KLHL12: variants seen among roughly 807,000 people sequenced by gnomAD.
KLHL12 encodes the protein kelch like family member 12, also known as kelch-like protein 12.
KLHL12 carries 17 observed loss-of-function variants against 60.8 expected under a neutral mutation model. That is an observed-to-expected ratio of 0.28 (90% CI 0.19 to 0.42). The LOEUF is 0.42. Among genes scored for constraint, KLHL12 ranks in the 10% least tolerant of loss-of-function variants. KLHL12 has a pLI of 1.00. For missense variants in KLHL12, 468 were observed against 722.3 expected (o/e 0.65, Z 4.04); for synonymous variants, 220 against 250.9 (o/e 0.88, Z 1.16).
At chr1:202,911,431 T>TAC (rs1006058629) in intron 4 of KLHL12, among the ~76,000 whole-genome samples, 75 of 141,496 alleles carry the variant, frequency 5.3e-4, no homozygotes, top group Admixed American at 1.7e-3. Context: ...TATATATATA[T>TAC]ACACACACAC....
At chr1:202,912,763 C>G in intron 4 of KLHL12, 1 of 1,304,300 alleles carries the variant, frequency 7.7e-7, no homozygotes, top group South Asian at 1.2e-5. Flanking sequence ...GAGAGGAGAG[C>G]CGGAGAAGTG....
intron 7 of KLHL12, among the ~76,000 whole-genome samples, chr1:202,896,423 T>TCAA (rs1164060656): frequency 2.6e-5 from 4 of 152,210 alleles, no homozygotes; most frequent in African/African-American, 9.6e-5. Context: ...ACTCCTGGCC[T>TCAA]CAAGAGATCC....
chr1:202,896,371 T>G (rs1280682973), intron 7 of KLHL12, among the ~76,000 whole-genome samples: 3 of 152,098 alleles, frequency 2.0e-5, no homozygotes, highest in African/African-American at 7.2e-5. Flanking sequence ...TTTACTTTTT[T>G]GTAGAGACAG....
At position 202,919,856 on chromosome 1, in the gene KLHL12, G is replaced by A. The variant is rs1190856812; in HGVS notation, c.248C>T (p.Thr83Ile). 2 of 1,613,838 alleles carry A rather than the reference G, an allele frequency of 1.2e-6. No homozygotes were observed. Among genetic ancestry groups the A allele is most frequent in the Non-Finnish European group, 1.7e-6 (2 of 1,179,836 alleles). The change falls in exon 3 of 12, where the codon ACC becomes ATC. Residue 83 changes from threonine (T) to isoleucine (I), a missense_variant. Around this residue, in one of 4 missense-constraint regions of KLHL12, gnomAD observed 339 missense variants for 525.0 expected, o/e 0.65. Coordinates refer to ENST00000367261, the MANE Select transcript of KLHL12 (RefSeq NM_021633.4). Reference sequence around the variant, plus strand: ...CACAAAGTCCAATAAAATTTCCATGGTAGAGGCAGTCAAACCTTGGATGTC... The same window carrying A: ...CACAAAGTCCAATAAAATTTCCATGATAGAGGCAGTCAAACCTTGGATGTC... ...YVDIQGLTAS[T>I]MEILLDFVYT...
At chr1:202,921,235 C>A (rs571845482) in intron 2 of KLHL12, among the ~76,000 whole-genome samples, 36 of 150,230 alleles carry the variant, frequency 2.4e-4, no homozygotes, top group African/African-American at 8.8e-4. Flanking sequence ...AGTGCAGTGG[C>A]GTAATCTTGG....
chr1:202,919,461 T>C (rs1028914776), intron 3 of KLHL12, among the ~76,000 whole-genome samples: 1 of 152,202 alleles, frequency 6.6e-6, no homozygotes, highest in African/African-American at 2.4e-5. Context: ...TATAGGTGTG[T>C]TACATACATG....
At position 202,911,046 on chromosome 1, in the gene KLHL12, C is replaced by T. The variant is rs796372930; in HGVS notation, c.717+8G>A. 8.7e-6 allele frequency: 14 copies of T among 1,613,852 alleles called. 1 individual carries two copies. In the African/African-American group the frequency reaches 1.3e-4, roughly 15 times the overall value. On this transcript the variant is annotated splice_region_variant and intron_variant, in intron 5 of 11. Coordinates refer to ENST00000367261, the MANE Select transcript of KLHL12 (RefSeq NM_021633.4). ...GGTTTTGGATCCTGAGAGTGTTGCACTACTTACCTCAGCATCTATTACATC... is the reference window on the plus strand; with the variant it reads ...GGTTTTGGATCCTGAGAGTGTTGCATTACTTACCTCAGCATCTATTACATC...
At chr1:202,906,315 C>G (rs928855794) in intron 6 of KLHL12, among the ~76,000 whole-genome samples, 1 of 149,426 alleles carries the variant, frequency 6.7e-6, no homozygotes. Context: ...ATTAGCCAGG[C>G]GTGGTGGCAC....
chr1:202,911,566 T>C (rs1359313730), intron 4 of KLHL12, among the ~76,000 whole-genome samples: 1 of 152,146 alleles, frequency 6.6e-6, no homozygotes, highest in Non-Finnish European at 1.5e-5. Flanking sequence ...TCTGGTCTTC[T>C]CTATAACTTT....
Position 202,893,201 on chromosome 1 carries a change from G to C in KLHL12, c.1580+38C>G. 1 of 1,516,522 alleles carries C rather than the reference G, an allele frequency of 6.6e-7. No homozygotes were observed. Among genetic ancestry groups the C allele is most frequent in the Non-Finnish European group, 8.9e-7 (1 of 1,117,998 alleles). The allele number at this position is 1,516,522 out of a possible 1,614,324, so 93.9% of individuals were successfully genotyped here. A position where few individuals can be genotyped will look rare whatever the true frequency, so the allele number is the denominator to read the frequency against. ...TCAGATCACATAGACTCTTGCTCTG[G>C]CTACATATTGAGTCTGGATTCGTTT... On this transcript the variant is annotated intron_variant, in intron 11 of 11. Coordinates refer to ENST00000367261, the MANE Select transcript of KLHL12 (RefSeq NM_021633.4). The surrounding 1 kb of genome is among the most constrained non-coding windows in gnomAD (Gnocchi z 4.1).
intron 4 of KLHL12, among the ~76,000 whole-genome samples, chr1:202,915,759 T>A (rs1660505208): frequency 6.6e-6 from 1 of 152,196 alleles, no homozygotes; most frequent in Non-Finnish European, 1.5e-5. Flanking sequence ...TAAACTCCAA[T>A]CTTCACTTTC....
In KLHL12 at chr1:202,922,638, C is replaced by T. The variant is rs371734371; in HGVS notation, c.195+2330G>A. 5.9e-5 allele frequency among the ~76,000 whole-genome samples: 9 copies of T among 151,824 alleles called. No homozygotes were observed. The East Asian group carries it at 1.6e-3, about 26-fold the overall frequency. On this transcript the variant is annotated intron_variant, in intron 2 of 11. Transcript: ENST00000367261. ...AGTGGCTGGGACTACAGGCGCCCGC[C>T]ACCACGCACGGCTAATTTTTTGTAT... is the stretch of plus-strand genomic sequence containing the variant.
chr1:202,922,936 T>C (rs909592367), intron 2 of KLHL12, among the ~76,000 whole-genome samples: 1 of 151,848 alleles, frequency 6.6e-6, no homozygotes, highest in African/African-American at 2.4e-5. Flanking sequence ...AGATGACATT[T>C]GAGGAGCATT....
In KLHL12 at chr1:202,893,532, G is replaced by A; in HGVS notation, c.1394-107C>T. ...ACTAGCTGAGTTCTACAGTAGATGAGGGATATGGAATGGGCCCACACGGGC... is the reference window on the plus strand; with the variant it reads ...ACTAGCTGAGTTCTACAGTAGATGAAGGATATGGAATGGGCCCACACGGGC... On this transcript the variant is annotated intron_variant, in intron 10 of 11. Coordinates refer to ENST00000367261, the MANE Select transcript of KLHL12 (RefSeq NM_021633.4). This position sits in a 1 kb window ranked among gnomAD's most constrained non-coding sequence, Gnocchi z 4.1. The A allele has an allele frequency of 2.2e-6, 2 of 929,600 alleles. No individual in the cohort carries two copies. The highest frequency in any genetic ancestry group is 5.2e-5 in the East Asian group (2 of 38,252). The allele number at this position is 929,600 out of a possible 1,614,324, so 57.6% of individuals were successfully genotyped here.
chr1:202,898,788 G>T (rs770344551), intron 6 of KLHL12, among the ~76,000 whole-genome samples: 1 of 151,980 alleles, frequency 6.6e-6, no homozygotes. Context: ...ATGAAATCAC[G>T]AGCAACGTGT....
intron 1 of KLHL12, 100 bp from the exon 2 acceptor site, chr1:202,925,307 A>G: frequency 1.5e-6 from 2 of 1,365,712 alleles, no homozygotes; most frequent in Middle Eastern, 2.0e-4. Flanking sequence ...AGGCTTCCTC[A>G]GACCCAAACA....
At chr1:202,902,799 G>C (rs915092313) in intron 6 of KLHL12, among the ~76,000 whole-genome samples, 1 of 152,058 alleles carries the variant, frequency 6.6e-6, no homozygotes, top group African/African-American at 2.4e-5. Flanking sequence ...AGACCAGCCT[G>C]AGCAGCATGG....
At position 202,912,177 on chromosome 1, in the gene KLHL12, A is replaced by G. The variant is rs116577545; in HGVS notation, c.568-974T>C. ...AAGAAGACACTGAAGAACATCACCT[A>G]AGAGATAATTTGAACAGTTTGGAAA... On this transcript the variant is annotated intron_variant, in intron 4 of 11. Coordinates refer to ENST00000367261, the MANE Select transcript of KLHL12 (RefSeq NM_021633.4). 1,038 of 900,632 alleles carry G rather than the reference A, an allele frequency of 1.2e-3. 6 individuals carry two copies. The African/African-American group carries it at 0.015, about 13-fold the overall frequency. The allele number at this position is 900,632 out of a possible 1,614,324, so 55.8% of individuals were successfully genotyped here.
intron 2 of KLHL12, among the ~76,000 whole-genome samples, 177 bp downstream of exon 2, chr1:202,924,791 C>T (rs6667300): frequency 0.82 from 125,218 of 152,182 alleles, 51,883 homozygotes; most frequent in East Asian, 0.9. Context: ...TTATCCCTAA[C>T]TTAAAGATGA....
Sources: gnomAD v4.1 joint callset for allele counts (sites outside exome capture counted in the v4.1 genomes callset) on GRCh38, gnomAD v4.1.1 for gene constraint, gnomAD v4.1.1 regional missense constraint, Gnocchi (gnomAD v3.1) non-coding constraint, MANE v1.5 for transcripts, NCBI Gene and HGNC (gene_info 2026-07-23, HGNC 2026-07-21) for gene names.